TRIM33: variants seen among roughly 807,000 people sequenced by gnomAD.
TRIM33 encodes the protein tripartite motif containing 33, also known as E3 ubiquitin-protein ligase TRIM33.
Under a neutral mutation model 125.4 loss-of-function variants are expected in TRIM33, and 20 were observed. That is an observed-to-expected ratio of 0.16 (90% confidence interval 0.11 to 0.23). TRIM33 has a LOEUF of 0.23. Among genes scored for constraint, TRIM33 ranks in the 10% least tolerant of loss-of-function variants. TRIM33 has a pLI of 1.00. For missense variants in TRIM33, 920 were observed against 1,411.4 expected (o/e 0.65, Z 5.58); for synonymous variants, 564 against 513.9 (o/e 1.10, Z -1.32).
intron 1 of TRIM33, among the ~76,000 whole-genome samples, chr1:114,498,607 G>A (rs538160420): frequency 4.6e-5 from 7 of 152,010 alleles, no homozygotes; most frequent in Non-Finnish European, 1.0e-4. Flanking sequence ...CATCCAGTCT[G>A]GGTGACAGAA....
At position 114,402,668 on chromosome 1, in the gene TRIM33, G is replaced by A. The variant is rs541071170; in HGVS notation, c.2892+92C>T. 2.9e-6 allele frequency: 4 copies of A among 1,377,288 alleles called. No homozygotes were observed. In the Admixed American group the frequency reaches 9.7e-5, roughly 33 times the overall value. 85.3% of individuals were successfully genotyped at this position (1,377,288 alleles called of 1,614,324 possible). ...AGGATTAAAAATTAAATGTTATCAG[G>A]TTTTGTGTATGCTACACAGGAAAAA... On this transcript the variant is annotated intron_variant, in intron 16 of 19. Transcript: ENST00000358465.
At chr1:114,503,711 C>T (rs958757261) in intron 1 of TRIM33, among the ~76,000 whole-genome samples, 2 of 152,140 alleles carry the variant, frequency 1.3e-5, no homozygotes, top group African/African-American at 4.8e-5. Context: ...TACCAATTTT[C>T]CAAAATTCTA....
intron 1 of TRIM33, among the ~76,000 whole-genome samples, chr1:114,489,751 T>A (rs547326310): frequency 6.6e-6 from 1 of 151,116 alleles, no homozygotes; most frequent in Non-Finnish European, 1.5e-5. Flanking sequence ...TCTCAAAAAA[T>A]AAATAAATAA....
chr1:114,465,572 G>A (rs550918887), intron 1 of TRIM33, among the ~76,000 whole-genome samples: 2 of 152,112 alleles, frequency 1.3e-5, no homozygotes, highest in Admixed American at 6.5e-5. Context: ...CTTTGGGAGT[G>A]GAATGATCAC....
chr1:114,399,592 T>G lies in TRIM33; in HGVS notation c.2985A>C (p.Lys995Asn). The G allele has an allele frequency of 1.9e-6, 3 of 1,602,604 alleles. No homozygotes were observed. The highest frequency in any genetic ancestry group is 2.6e-6 in the Non-Finnish European group (3 of 1,173,240). ...ATAAATCCATTGGTTTCTTTATAATTTTATAGTAGTTTGGTATCTAAAATA... is the reference window on the plus strand; with the variant it reads ...ATAAATCCATTGGTTTCTTTATAATGTTATAGTAGTTTGGTATCTAAAATA... ...PVPASIPNYY[K>N]IIKKPMDLST... Residue 995 changes from lysine (K) to asparagine (N), a missense_variant, in exon 18 of 20, where the codon AAA (lysine) becomes AAC (asparagine). Transcript: ENST00000358465.
In TRIM33 at chr1:114,395,623, A is replaced by G. The variant is rs1571997517; in HGVS notation, c.*2025T>C. The G allele has an allele frequency of 5.0e-6, 1 of 198,828 alleles. No homozygotes were observed. Among genetic ancestry groups the G allele is most frequent in the East Asian group, 7.9e-5 (1 of 12,736 alleles). The allele number at this position is 198,828 out of a possible 1,614,324, so 12.3% of individuals were successfully genotyped here. ...ACTGAAATCATGGATTTTGTGAAAA[A>G]AGAGGGAAATTGGCATAGGCATAAG... On this transcript the variant is annotated 3_prime_UTR_variant, in exon 20 of 20. Coordinates refer to ENST00000358465, the MANE Select transcript of TRIM33 (RefSeq NM_015906.4).
At chr1:114,496,664 G>A (rs566556015) in intron 1 of TRIM33, among the ~76,000 whole-genome samples, 2 of 152,098 alleles carry the variant, frequency 1.3e-5, no homozygotes, top group African/African-American at 4.8e-5. Context: ...TGTAATACAG[G>A]TCTACCAATG....
At chr1:114,430,345 G>A (rs1200139544) in intron 6 of TRIM33, among the ~76,000 whole-genome samples, 1 of 152,074 alleles carries the variant, frequency 6.6e-6, no homozygotes, top group African/African-American at 2.4e-5. Context: ...CCCGGGCTCA[G>A]TCGATCCTCC....
chr1:114,497,298 A>C (rs1362441162), intron 1 of TRIM33, among the ~76,000 whole-genome samples: 1 of 152,106 alleles, frequency 6.6e-6, no homozygotes, highest in Non-Finnish European at 1.5e-5. Context: ...TTACACTTAA[A>C]ATTTTTTTTT....
intron 16 of TRIM33, among the ~76,000 whole-genome samples, chr1:114,401,938 A>C (rs1464321531): frequency 6.6e-6 from 1 of 152,220 alleles, no homozygotes; most frequent in Non-Finnish European, 1.5e-5. Context: ...AATCATGAGT[A>C]AACTGAAATG....
chr1:114,474,206 A>G (rs1190620000), intron 1 of TRIM33, among the ~76,000 whole-genome samples: 1 of 152,022 alleles, frequency 6.6e-6, no homozygotes, highest in East Asian at 1.9e-4. Flanking sequence ...CAGCCCAGAA[A>G]CACACCGTAA....
intron 4 of TRIM33, among the ~76,000 whole-genome samples, chr1:114,435,877 C>CTA (rs1553211463): frequency 1.4e-5 from 1 of 73,324 alleles, no homozygotes; most frequent in Non-Finnish European, 2.5e-5. Flanking sequence ...TAGACACCCG[C>CTA]TTTTTTTTTT....
At chr1:114,404,711 A>G (rs1372275530) in intron 15 of TRIM33, 1 of 152,196 alleles carries the variant, frequency 6.6e-6, no homozygotes, top group Non-Finnish European at 1.5e-5. Flanking sequence ...CACTGTTTAA[A>G]TATCTACTAG....
At chr1:114,448,844 T>C (rs933684427) in intron 4 of TRIM33, among the ~76,000 whole-genome samples, 4 of 152,172 alleles carry the variant, frequency 2.6e-5, no homozygotes, top group Admixed American at 6.5e-5. Context: ...TAAAATTGAA[T>C]AGAATTATTA....
In TRIM33 at chr1:114,476,502, AC is replaced by A. The variant is rs202042093; in HGVS notation, c.527-12115del. 7.1e-3 allele frequency among the ~76,000 whole-genome samples: 1,084 copies of A among 152,228 alleles called. 13 individuals carry two copies. The highest frequency in any genetic ancestry group is 0.025 in the African/African-American group (1,027 of 41,570). ...TTTCCTTGACAAATTTTTTAAAAAA[AC>A]AGAAGTATGAGAACAGAATTAAATA... On this transcript the variant is annotated intron_variant, in intron 1 of 19. Transcript: ENST00000358465.
chr1:114,410,039 TTAAAA>T (rs1287506405), intron 12 of TRIM33, 140 bp downstream of exon 12: 2 of 1,084,958 alleles, frequency 1.8e-6, no homozygotes, highest in Non-Finnish European at 2.6e-6. Context: ...AGCCAATTCC[TTAAAA>T]TAAATCTCTC....
chr1:114,419,509 T>C (rs1488953096), intron 11 of TRIM33, among the ~76,000 whole-genome samples: 1 of 152,178 alleles, frequency 6.6e-6, no homozygotes, highest in African/African-American at 2.4e-5. Context: ...TGAAAGCGCT[T>C]CACAAACTAT....
At position 114,466,602 on chromosome 1, in the gene TRIM33, A is replaced by G. The variant is rs890664324; in HGVS notation, c.527-2214T>C. Reference sequence around the variant, plus strand: ...CCTGTGGGGGCTGCGTGGCAATGAGACTGATCTCCAAAACTTAGACACCAA... The same window carrying G: ...CCTGTGGGGGCTGCGTGGCAATGAGGCTGATCTCCAAAACTTAGACACCAA... On this transcript the variant is annotated intron_variant, in intron 1 of 19. Coordinates refer to ENST00000358465, the MANE Select transcript of TRIM33 (RefSeq NM_015906.4). Among the ~76,000 whole-genome samples, 11 of 152,228 alleles carry G rather than the reference A, an allele frequency of 7.2e-5. No homozygotes were observed. In the East Asian group the frequency reaches 2.1e-3, roughly 30 times the overall value.
At chr1:114,446,429 G>A (rs1008465580) in intron 4 of TRIM33, among the ~76,000 whole-genome samples, 3 of 151,586 alleles carry the variant, frequency 2.0e-5, no homozygotes, top group Admixed American at 6.6e-5. Flanking sequence ...TAAATGATGT[G>A]GCAATAGTAC....
Sources: allele counts gnomAD v4.1 joint callset (sites outside exome capture counted in the v4.1 genomes callset), GRCh38; gene constraint gnomAD v4.1.1; transcripts MANE v1.5; gene names NCBI Gene and HGNC (gene_info 2026-07-23, HGNC 2026-07-21).